Variants in NKAIN2 observed in about 807,000 individuals in gnomAD.
The protein encoded by NKAIN2 is sodium/potassium-transporting ATPase subunit beta-1-interacting protein 2.
A neutral mutation model predicts 32.6 loss-of-function variants in NKAIN2; 14 were observed. The ratio of observed to expected loss-of-function variants is 0.43; its 90% CI spans 0.28 to 0.67. NKAIN2 has a LOEUF of 0.67. Among genes scored for constraint, NKAIN2 ranks in the 30% least tolerant of loss-of-function variants. NKAIN2 has a pLI of 0.17. For missense variants in NKAIN2, 198 were observed against 258.3 expected (o/e 0.77, Z 1.60); for synonymous variants, 80 against 87.2 (o/e 0.92, Z 0.46).
chr6:124,032,316 C>G (rs139507728), intron 1 of NKAIN2, among the ~76,000 whole-genome samples: 1 of 150,650 alleles, frequency 6.6e-6, no homozygotes, highest in African/African-American at 2.4e-5. Context: ...ATGTAAATGA[C>G]GAGTTAATGG....
At chr6:123,938,425 TATATATATATATATATATATATATATAC>T (rs1490932836) in intron 1 of NKAIN2, among the ~76,000 whole-genome samples, 5 of 44,398 alleles carry the variant, frequency 1.1e-4, no homozygotes, top group African/African-American at 6.3e-4. Context: ...TATATATATA[TATATATATATATATATATATATATATAC>T]ACACACACAC....
chr6:124,750,932 C>T (rs953908648), intron 4 of NKAIN2, among the ~76,000 whole-genome samples: 3 of 151,898 alleles, frequency 2.0e-5, no homozygotes, highest in African/African-American at 7.2e-5. Context: ...ACCATAAAAT[C>T]TACCTAAAAA....
intron 3 of NKAIN2, among the ~76,000 whole-genome samples, chr6:124,363,207 T>C (rs1450519010): frequency 1.3e-5 from 2 of 152,166 alleles, no homozygotes; most frequent in Non-Finnish European, 2.9e-5. Context: ...TATGTTTGTA[T>C]AATGTATCTA....
intron 1 of NKAIN2, among the ~76,000 whole-genome samples, chr6:124,116,397 C>G (rs780080398): frequency 6.6e-6 from 1 of 151,934 alleles, no homozygotes; most frequent in African/African-American, 2.4e-5. Context: ...ATTAGGCTAT[C>G]GCGGGAACAG....
intron 3 of NKAIN2, among the ~76,000 whole-genome samples, chr6:124,426,261 G>T (rs569092991): frequency 1.3e-4 from 20 of 152,230 alleles, no homozygotes; most frequent in Non-Finnish European, 2.4e-4. Flanking sequence ...GAAAATCTTT[G>T]TGATTTTAAA....
chr6:124,126,064 C>T (rs1276703498), intron 1 of NKAIN2, among the ~76,000 whole-genome samples: 15 of 152,088 alleles, frequency 9.9e-5, no homozygotes, highest in Admixed American at 9.8e-4. Flanking sequence ...GGGTGGGTCT[C>T]CCTGACCCAC....
At chr6:124,434,526 T>G (rs1775355706) in intron 3 of NKAIN2, among the ~76,000 whole-genome samples, 1 of 152,098 alleles carries the variant, frequency 6.6e-6, no homozygotes, top group Non-Finnish European at 1.5e-5. Flanking sequence ...AAGACAACAG[T>G]AGGTATTTGG....
At position 124,453,296 on chromosome 6, in the gene NKAIN2, C is replaced by A. The variant is rs564645641; in HGVS notation, c.273+97949C>A. 2.0e-5 allele frequency among the ~76,000 whole-genome samples: 3 copies of A among 147,560 alleles called. No homozygotes were observed. The East Asian group carries it at 6.0e-4, about 30-fold the overall frequency. On this transcript the variant is annotated intron_variant, in intron 3 of 6. Coordinates refer to ENST00000368417, the MANE Select transcript of NKAIN2 (RefSeq NM_001040214.3). ...CGGTGCCATTTTTTTCCTTCCCCCACTTTCTCCCCCTCATACATGCATATA... is the reference window on the plus strand; with the variant it reads ...CGGTGCCATTTTTTTCCTTCCCCCAATTTCTCCCCCTCATACATGCATATA...
intron 4 of NKAIN2, among the ~76,000 whole-genome samples, chr6:124,683,219 A>T (rs965518362): frequency 3.9e-5 from 6 of 152,226 alleles, no homozygotes; most frequent in Admixed American, 6.5e-5. Flanking sequence ...CATTCGCAGA[A>T]AAAGGATCAC....
chr6:124,448,295 C>T (rs1320749600), intron 3 of NKAIN2, among the ~76,000 whole-genome samples: 3 of 152,114 alleles, frequency 2.0e-5, no homozygotes, highest in Non-Finnish European at 4.4e-5. Flanking sequence ...GCATGACCCT[C>T]AGCCTACTTG....
chr6:124,580,527 A>C (rs1274237578), intron 3 of NKAIN2, among the ~76,000 whole-genome samples: 3 of 152,202 alleles, frequency 2.0e-5, no homozygotes, highest in African/African-American at 7.2e-5. Flanking sequence ...ACAAAAAATT[A>C]AAAGCAAGAA....
In NKAIN2 at chr6:124,538,422, C is replaced by T. The variant is rs775013802; in HGVS notation, c.274-119764C>T. ...CACGTGAAAGAATCTGCTCTCCATC[C>T]GATTGGTATTCCTTTGTAAATAGTT... On this transcript the variant is annotated intron_variant, in intron 3 of 6. Coordinates refer to ENST00000368417, the MANE Select transcript of NKAIN2 (RefSeq NM_001040214.3). Among the ~76,000 whole-genome samples, 11 of 152,048 alleles carry T rather than the reference C, an allele frequency of 7.2e-5. No individual in the cohort carries two copies. The East Asian group carries it at 7.7e-4, about 11-fold the overall frequency.
chr6:124,163,423 A>G (rs1431092273), intron 1 of NKAIN2, among the ~76,000 whole-genome samples: 2 of 152,020 alleles, frequency 1.3e-5, no homozygotes, highest in African/African-American at 4.8e-5. Context: ...TTTCCTATAC[A>G]ATATTTTTAT....
chr6:124,129,870 C>T (rs916239200), intron 1 of NKAIN2, among the ~76,000 whole-genome samples: 1 of 152,052 alleles, frequency 6.6e-6, no homozygotes, highest in African/African-American at 2.4e-5. Flanking sequence ...CTGCCTGCCT[C>T]GCCTCCCAAA....
intron 1 of NKAIN2, among the ~76,000 whole-genome samples, chr6:124,214,170 G>A (rs138145073): frequency 3.3e-5 from 5 of 152,088 alleles, no homozygotes; most frequent in East Asian, 3.9e-4. Context: ...AACTAGTTTC[G>A]ACATACCAAT....
At chr6:124,370,678 G>GA (rs202211664) in intron 3 of NKAIN2, among the ~76,000 whole-genome samples, 2,577 of 152,186 alleles carry the variant, frequency 0.017, 42 homozygotes, top group Middle Eastern at 0.044. Flanking sequence ...CACTCTGACA[G>GA]AAAAATCTCT....
chr6:124,073,466 G>C (rs1186213045), intron 1 of NKAIN2, among the ~76,000 whole-genome samples: 1 of 152,086 alleles, frequency 6.6e-6, no homozygotes, highest in Non-Finnish European at 1.5e-5. Context: ...ATTAGTGCTA[G>C]GAACAATTTG....
intron 1 of NKAIN2, among the ~76,000 whole-genome samples, chr6:123,879,977 G>T (rs1249084198): frequency 2.0e-5 from 3 of 152,136 alleles, no homozygotes; most frequent in African/African-American, 7.2e-5. Flanking sequence ...CCCAGGCTGG[G>T]GAGTCCCTGG....
chr6:124,201,567 C>T (rs1273153346), intron 1 of NKAIN2, among the ~76,000 whole-genome samples: 1 of 151,618 alleles, frequency 6.6e-6, no homozygotes, highest in Non-Finnish European at 1.5e-5. Flanking sequence ...CTCTAGACTG[C>T]CAAAAAAATC....
Sources: gnomAD v4.1 joint callset for allele counts (sites outside exome capture counted in the v4.1 genomes callset) on GRCh38, gnomAD v4.1.1 for gene constraint, MANE v1.5 for transcripts, NCBI Gene and HGNC (gene_info 2026-07-23, HGNC 2026-07-21) for gene names.